The following TPM1 variants were observed in gnomAD, a reference collection of about 807,000 sequenced individuals.
TPM1 encodes tropomyosin alpha-1 chain.
TPM1 carries 24 observed loss-of-function variants against 42.9 expected under a neutral mutation model. The observed-to-expected ratio is 0.56, with a 90% CI of 0.41 to 0.79. The LOEUF is 0.79. TPM1 is among the 30% of genes least tolerant of loss of function. The pLI is 0.00. For synonymous variants in TPM1, 136 were observed against 130.1 expected, an observed-to-expected ratio of 1.05 and a Z score of -0.31; for missense variants, 158 against 351.8, an observed-to-expected ratio of 0.45 and a Z score of 4.41.
intron 2 of TPM1, chr15:63,048,542 C>T (rs1398841587): frequency 6.6e-7 from 1 of 1,515,852 alleles, no homozygotes; most frequent in Non-Finnish European, 8.8e-7. Context: ...GCCTCTCCCA[C>T]TGCAGCCCTC....
At chr15:63,048,724 T>A (rs553791344) in intron 2 of TPM1, 187 of 1,532,828 alleles carry the variant, frequency 1.2e-4, no homozygotes, top group Non-Finnish European at 1.5e-4. Flanking sequence ...GATACACCCA[T>A]CACCCCGCAG....
rs535504558 is a variant in TPM1, at chr15:63,052,379, C to T, written c.241-4606C>T. Among the ~76,000 whole-genome samples the T allele has an allele frequency of 9.8e-4, 149 of 152,210 alleles. 3 individuals carry two copies. The South Asian group carries it at 0.025, about 25-fold the overall frequency. On this transcript the variant is annotated intron_variant, in intron 2 of 9. Coordinates refer to ENST00000403994, the MANE Select transcript of TPM1 (RefSeq NM_001018005.2). ...CTCTACTAAAAATACAGCAATTAGC[C>T]GAGCATGGTGTCACGTGCCTGTAAT...
chr15:63,062,674 A>C (rs1347116199), intron 8 of TPM1, 29 bp downstream of exon 8: 50 of 1,614,094 alleles, frequency 3.1e-5, no homozygotes, highest in Non-Finnish European at 4.0e-5. Flanking sequence ...TTTTTAGTTT[A>C]ATCCTTATGG....
chr15:63,070,916 G>A, downstream of TPM1: 8 of 1,402,042 alleles, frequency 5.7e-6, no homozygotes, highest in Non-Finnish European at 7.5e-6. Context: ...GGTCAAAGAT[G>A]CCCTCCCCTC....
At chr15:63,043,013 TC>T in intron 1 of TPM1, 70 bp downstream of exon 1, 3 of 1,409,858 alleles carry the variant, frequency 2.1e-6, no homozygotes, top group Non-Finnish European at 2.9e-6. Context: ...CCCGGCTGGA[TC>T]CCCACCCCGA....
chr15:63,052,325 C>T (rs2034048367), intron 2 of TPM1, among the ~76,000 whole-genome samples: 1 of 152,118 alleles, frequency 6.6e-6, no homozygotes, highest in Admixed American at 6.5e-5. Context: ...CAGTTCGAGA[C>T]TAGCCTAGCC....
At chr15:63,054,482 T>C (rs4468558) in intron 2 of TPM1, 121,473 of 152,162 alleles carry the variant, frequency 0.8, 48,790 homozygotes, top group East Asian at 1. Flanking sequence ...GAGGTGCTGT[T>C]TCCTTCCTTT....
downstream of TPM1, among the ~76,000 whole-genome samples, chr15:63,069,543 T>C (rs1380876359): frequency 2.6e-5 from 4 of 152,192 alleles, no homozygotes; most frequent in South Asian, 2.1e-4. Flanking sequence ...CCAGAAACCA[T>C]GTATGGCTCA....
At chr15:63,069,268 T>C (rs1307428804), downstream of TPM1, among the ~76,000 whole-genome samples, 1 of 152,220 alleles carries the variant, frequency 6.6e-6, no homozygotes, top group Non-Finnish European at 1.5e-5. Flanking sequence ...AGTCAGAATG[T>C]GTACCCTGTA....
chr15:63,056,216 G>T (rs1311677345), intron 2 of TPM1: 1 of 152,220 alleles, frequency 6.6e-6, no homozygotes. Context: ...AAAGAGTTGA[G>T]TGAAACTCTT....
chr15:63,069,853 C>T (rs2036507031), downstream of TPM1: 2 of 1,613,984 alleles, frequency 1.2e-6, no homozygotes, highest in South Asian at 2.2e-5. Flanking sequence ...TGCTAACCTG[C>T]TTGCTGACCT....
intron 2 of TPM1, among the ~76,000 whole-genome samples, chr15:63,055,135 C>T (rs1373008654): frequency 6.6e-6 from 1 of 152,136 alleles, no homozygotes. Context: ...AAACAACAGT[C>T]ATCTGCCAGT....
intron 2 of TPM1, chr15:63,048,229 T>C (rs1199661482): frequency 2.1e-6 from 1 of 473,220 alleles, no homozygotes; most frequent in Admixed American, 2.3e-5. Flanking sequence ...GCCAGAGCCC[T>C]AGTGCAGTGG....
rs2035300425 is a variant in TPM1, at chr15:63,059,555, C to A, written c.375-8C>A. Reference sequence around the variant, plus strand: ...ATCTTGGGTTTTCTTGCTTGTCTTTCTTTTCAGAGGCATGAAAGTCATTGA... The same window carrying A: ...ATCTTGGGTTTTCTTGCTTGTCTTTATTTTCAGAGGCATGAAAGTCATTGA... On this transcript the variant is annotated splice_polypyrimidine_tract_variant and splice_region_variant and intron_variant, in intron 3 of 9. Coordinates refer to ENST00000403994, the MANE Select transcript of TPM1 (RefSeq NM_001018005.2). The A allele has an allele frequency of 1.2e-6, 2 of 1,605,186 alleles. No homozygotes were observed. Among genetic ancestry groups the A allele is most frequent in the African/African-American group, 2.7e-5 (2 of 74,672 alleles).
intron 8 of TPM1, 83 bp downstream of exon 8, chr15:63,062,728 C>T (rs1301740168): frequency 1.9e-6 from 3 of 1,608,766 alleles, no homozygotes; most frequent in Non-Finnish European, 2.5e-6. Context: ...TCAAGGGCAT[C>T]CACATTGATA....
At chr15:63,047,171 G>A (rs964248512) in intron 2 of TPM1, 2 of 152,316 alleles carry the variant, frequency 1.3e-5, no homozygotes, top group South Asian at 2.1e-4. Context: ...GAAACAAAGC[G>A]AGAAGCTCCC....
At chr15:63,064,268 A>C in intron 9 of TPM1, 126 bp downstream of exon 9, 1 of 1,539,940 alleles carries the variant, frequency 6.5e-7, no homozygotes, top group Non-Finnish European at 8.7e-7. Context: ...TTTTGTCATA[A>C]CCTAGAATAG....
intron 9 of TPM1, 67 bp from the exon 10 acceptor site, chr15:63,065,824 GTTTCC>G (rs2036217025): frequency 6.6e-7 from 1 of 1,520,976 alleles, no homozygotes; most frequent in Non-Finnish European, 8.9e-7. Context: ...TATTGGTTTG[GTTTCC>G]TTTCTTTTTT....
Position 63,044,007 on chromosome 15 carries a change from A to AC in TPM1, c.115-15dup, listed in dbSNP as rs1199855017. On this transcript the variant is annotated intron_variant, in intron 1 of 9. Transcript: ENST00000403994. ...CTGCTGCACCCCCCTCCCTCCCTGT[A>AC]CCCCCTGGCCAACTCCCAGCTGGAA... is the stretch of plus-strand genomic sequence containing the variant. 6.2e-7 allele frequency: 1 copy of AC among 1,609,322 alleles called. No homozygotes were observed. Among genetic ancestry groups the AC allele is most frequent in the East Asian group, 2.2e-5 (1 of 44,718 alleles).
Sources: gnomAD v4.1 joint callset for allele counts (sites outside exome capture counted in the v4.1 genomes callset) on GRCh38, gnomAD v4.1.1 for gene constraint, MANE v1.5 for transcripts, NCBI Gene and HGNC (gene_info 2026-07-23, HGNC 2026-07-21) for gene names.